GLI2: variants seen among roughly 807,000 people sequenced by gnomAD.
GLI2 encodes the protein transcription activator GLI2.
In GLI2, 22 loss-of-function variants were observed where a neutral mutation model predicts 78.9. That is an observed-to-expected ratio of 0.28 (90% confidence interval 0.20 to 0.40). The LOEUF (loss-of-function observed/expected upper bound fraction) is 0.40. Among genes scored for constraint, GLI2 ranks in the 10% least tolerant of loss-of-function variants. The probability of loss-of-function intolerance (pLI) is 1.00; values close to 1 mark genes in which losing one functional copy is unlikely to be tolerated. For synonymous variants in GLI2, 974 were observed against 963.7 expected (o/e 1.01, Z -0.20); for missense variants, 2,097 against 2,213.2 (o/e 0.95, Z 1.05).
intron 1 of GLI2, among the ~76,000 whole-genome samples, chr2:120,763,249 CTGTGTGTTTTCTTGACCTA>C (rs1266051628): frequency 2.0e-5 from 3 of 152,196 alleles, no homozygotes; most frequent in Non-Finnish European, 4.4e-5. Flanking sequence ...GCTCTCAGAT[CTGTGTGTTTTCTTGACCTA>C]AAGGAGCCCC....
chr2:120,962,725 G>T (rs1681644873), intron 5 of GLI2, among the ~76,000 whole-genome samples: 1 of 152,174 alleles, frequency 6.6e-6, no homozygotes. Flanking sequence ...GGGAAGAGGC[G>T]CATTAATAAA....
At chr2:120,904,953 AGG>A (rs1354654246) in intron 2 of GLI2, among the ~76,000 whole-genome samples, 1 of 152,182 alleles carries the variant, frequency 6.6e-6, no homozygotes, top group Non-Finnish European at 1.5e-5. Context: ...CCTGAGCTGC[AGG>A]CTTTCCCTCA....
intron 2 of GLI2, among the ~76,000 whole-genome samples, chr2:120,881,482 C>T (rs1458578962): frequency 1.4e-4 from 4 of 28,778 alleles, no homozygotes; most frequent in Admixed American, 8.1e-4. Context: ...GGAGGACAGT[C>T]GTGGGGAAGA....
intron 2 of GLI2, among the ~76,000 whole-genome samples, chr2:120,909,086 C>T (rs1022339507): frequency 2.0e-5 from 3 of 152,136 alleles, no homozygotes; most frequent in African/African-American, 4.8e-5. Flanking sequence ...GTTCCCCGGT[C>T]CCCTGAGCCA....
intron 2 of GLI2, among the ~76,000 whole-genome samples, chr2:120,798,848 T>TG (rs1256883608): frequency 1.3e-5 from 2 of 152,176 alleles, no homozygotes; most frequent in Admixed American, 6.5e-5. Context: ...CCTTGGCCTG[T>TG]GGGGGCACCT....
intron 3 of GLI2, among the ~76,000 whole-genome samples, chr2:120,938,560 G>C (rs963153941): frequency 3.9e-5 from 6 of 152,226 alleles, no homozygotes; most frequent in Admixed American, 3.9e-4. Flanking sequence ...TCTGCTCTTT[G>C]TCAACTGAAA....
At chr2:120,912,362 C>T (rs1201470735) in intron 2 of GLI2, among the ~76,000 whole-genome samples, 3 of 147,050 alleles carry the variant, frequency 2.0e-5, no homozygotes, top group African/African-American at 7.7e-5. Context: ...AAATAAGATT[C>T]TGGGCACCGC....
chr2:120,761,836 G>A lies in GLI2; in HGVS notation c.-31+25551G>A, dbSNP rs138182680. Among the ~76,000 whole-genome samples the A allele has an allele frequency of 1.4e-3, 208 of 152,326 alleles. 1 individual carries two copies. The highest frequency in any genetic ancestry group is 4.5e-3 in the African/African-American group (188 of 41,578). ...CAGCTTTCTTGGTGTATGGCTTGGG[G>A]CAGGGACAGGGGCTCTGGGGAGGCA... On this transcript the variant is annotated intron_variant, in intron 1 of 13. Transcript: ENST00000361492.
intron 2 of GLI2, among the ~76,000 whole-genome samples, chr2:120,898,620 C>A (rs1482231774): frequency 3.3e-5 from 5 of 152,118 alleles, no homozygotes; most frequent in African/African-American, 9.7e-5. Context: ...ATCTGTGTTA[C>A]TTTGTAAAGA....
Position 120,984,496 on chromosome 2 carries a change from G to A in GLI2, c.1658G>A (p.Gly553Asp), listed in dbSNP as rs765365609. The change falls in exon 12 of 14, where the codon GGC (glycine) becomes GAC (aspartate). Residue 553 changes from glycine (G) to aspartate (D), a missense_variant. Transcript: ENST00000361492. The stretch of plus-strand genomic sequence containing the variant: ...AAACCCTACATCTGCAAGATCCCAG[G>A]CTGCACCAAGAGATACACAGACCCC... The part of the protein sequence containing the change: ...NEKPYICKIP[G>D]CTKRYTDPSS... 1 of 1,614,162 alleles carries A rather than the reference G, an allele frequency of 6.2e-7. No individual in the cohort carries two copies. The highest frequency in any genetic ancestry group is 1.1e-5 in the South Asian group (1 of 91,084).
chr2:120,934,931 T>A (rs1406409320), intron 3 of GLI2, among the ~76,000 whole-genome samples: 2 of 152,200 alleles, frequency 1.3e-5, no homozygotes. Context: ...AGCAGCCTGC[T>A]CAGCCTGTGA....
intron 2 of GLI2, among the ~76,000 whole-genome samples, chr2:120,882,739 C>T (rs1677214248): frequency 2.0e-5 from 3 of 152,228 alleles, no homozygotes. Flanking sequence ...TCCTTGCCCT[C>T]CAGGGCTGAG....
chr2:120,880,339 C>T (rs533323323), intron 2 of GLI2, among the ~76,000 whole-genome samples: 1 of 152,292 alleles, frequency 6.6e-6, no homozygotes, highest in South Asian at 2.1e-4. Flanking sequence ...GGGCAAACTT[C>T]ATTACTTTTC....
chr2:120,899,529 G>C (rs987392791), intron 2 of GLI2, among the ~76,000 whole-genome samples: 2 of 152,274 alleles, frequency 1.3e-5, no homozygotes, highest in Non-Finnish European at 2.9e-5. Flanking sequence ...CTGAGCCTGC[G>C]CAAGGCCATC....
chr2:120,914,106 C>A (rs569537262), intron 2 of GLI2, among the ~76,000 whole-genome samples: 25 of 152,380 alleles, frequency 1.6e-4, no homozygotes, highest in African/African-American at 6.0e-4. Context: ...TGGTCATCCT[C>A]CTGAAAGGGA....
intron 3 of GLI2, among the ~76,000 whole-genome samples, chr2:120,950,940 G>A (rs886300993): frequency 2.0e-5 from 3 of 152,236 alleles, no homozygotes; most frequent in African/African-American, 7.2e-5. Context: ...CGTGTGGGCG[G>A]CCTGCTGTGC....
intron 2 of GLI2, among the ~76,000 whole-genome samples, chr2:120,922,264 T>A (rs1679415587): frequency 6.6e-6 from 1 of 152,234 alleles, no homozygotes; most frequent in African/African-American, 2.4e-5. Flanking sequence ...CTGATGTGAA[T>A]AGATGGGGTC....
intron 2 of GLI2, among the ~76,000 whole-genome samples, chr2:120,850,571 A>G (rs1298106070): frequency 6.6e-6 from 1 of 152,210 alleles, no homozygotes; most frequent in Non-Finnish European, 1.5e-5. Context: ...TTACAGCGTA[A>G]GGGAGTAAGT....
chr2:120,774,083 G>A (rs1051395645), intron 1 of GLI2, among the ~76,000 whole-genome samples: 3 of 151,980 alleles, frequency 2.0e-5, no homozygotes, highest in Non-Finnish European at 2.9e-5. Context: ...CACCCCGATA[G>A]GATGTGAGGA....
Sources: gnomAD v4.1 joint callset for allele counts (sites outside exome capture counted in the v4.1 genomes callset) on GRCh38, gnomAD v4.1.1 for gene constraint, MANE v1.5 for transcripts, NCBI Gene and HGNC (gene_info 2026-07-23, HGNC 2026-07-21) for gene names.